SDK1: variants seen among roughly 807,000 people sequenced by gnomAD.
SDK1 encodes the protein sidekick cell adhesion molecule 1.
Under a neutral mutation model 245.5 loss-of-function variants are expected in SDK1, and 157 were observed. The ratio of observed to expected loss-of-function variants is 0.64; its 90% CI spans 0.56 to 0.73. The LOEUF is 0.73. Ranked by LOEUF, SDK1 falls within the 30% of genes least tolerant of loss-of-function variation. SDK1 has a pLI of 0.00. For missense variants in SDK1, 3,583 were observed against 3,002.3 expected (o/e 1.19, Z -4.52); for synonymous variants, 1,647 against 1,278.5 (o/e 1.29, Z -6.15).
chr7:3,377,532 G>A (rs756269680), intron 1 of SDK1, among the ~76,000 whole-genome samples: 10 of 152,086 alleles, frequency 6.6e-5, no homozygotes, highest in Non-Finnish European at 1.5e-4. Context: ...AGGAGGTGCA[G>A]CAGTGTACCC....
chr7:3,735,150 T>TAA (rs376972840), intron 4 of SDK1, among the ~76,000 whole-genome samples: 8 of 148,742 alleles, frequency 5.4e-5, no homozygotes, highest in African/African-American at 2.0e-4. Flanking sequence ...CTTCTCAACT[T>TAA]AAAAAAAAAA....
At chr7:4,104,011 G>A (rs573715194) in intron 22 of SDK1, among the ~76,000 whole-genome samples, 1 of 152,380 alleles carries the variant, frequency 6.6e-6, no homozygotes, top group East Asian at 1.9e-4. Context: ...AACAGGAAGT[G>A]GGCCAGATTC....
chr7:3,749,980 C>G (rs910149985), intron 4 of SDK1, among the ~76,000 whole-genome samples: 1 of 152,174 alleles, frequency 6.6e-6, no homozygotes, highest in African/African-American at 2.4e-5. Context: ...GTTTTTCACA[C>G]TTTGTAATAC....
In SDK1 at chr7:4,110,807, A is replaced by G. The variant is rs150447078; in HGVS notation, c.3434+35A>G. ...GCAGTGATAAGCTGTTACAGGAGGA[A>G]ACACTGGCAGCCCAGGCAGGTGCCT... On this transcript the variant is annotated intron_variant, in intron 23 of 44. Coordinates refer to ENST00000404826, the MANE Select transcript of SDK1 (RefSeq NM_152744.4). The G allele has an allele frequency of 3.9e-3, 5,731 of 1,467,800 alleles. 19 individuals carry two copies. The highest frequency in any genetic ancestry group is 9.8e-3 in the Middle Eastern group (57 of 5,794). The allele number at this position is 1,467,800 out of a possible 1,614,324, so 90.9% of individuals were successfully genotyped here.
At chr7:3,486,834 T>A (rs1056629340) in intron 1 of SDK1, among the ~76,000 whole-genome samples, 1 of 152,208 alleles carries the variant, frequency 6.6e-6, no homozygotes. Context: ...TTTGTGAACA[T>A]TCCACATGTT....
intron 4 of SDK1, among the ~76,000 whole-genome samples, chr7:3,810,235 G>C (rs182535757): frequency 1.1e-4 from 16 of 152,014 alleles, no homozygotes; most frequent in African/African-American, 3.6e-4. Flanking sequence ...CACTTTTCAT[G>C]GTTTCCAATT....
chr7:3,982,259 A>G (rs559283299), intron 13 of SDK1, among the ~76,000 whole-genome samples: 1 of 152,372 alleles, frequency 6.6e-6, no homozygotes, highest in African/African-American at 2.4e-5. Flanking sequence ...CCTGCAGCTC[A>G]GAAAAGAAAA....
intron 1 of SDK1, among the ~76,000 whole-genome samples, chr7:3,358,479 G>C (rs1780868066): frequency 6.8e-6 from 1 of 147,956 alleles, no homozygotes; most frequent in Non-Finnish European, 1.5e-5. Flanking sequence ...TTTTCCCCCA[G>C]CTACTGCTCC....
chr7:3,628,529 A>G (rs1173524107), intron 2 of SDK1, among the ~76,000 whole-genome samples: 2 of 152,106 alleles, frequency 1.3e-5, no homozygotes, highest in Non-Finnish European at 2.9e-5. Flanking sequence ...TGGGGCTACT[A>G]GAGACTCCCC....
intron 5 of SDK1, among the ~76,000 whole-genome samples, chr7:3,841,148 T>C (rs1387163611): frequency 6.6e-6 from 1 of 152,198 alleles, no homozygotes; most frequent in African/African-American, 2.4e-5. Flanking sequence ...GTGCCTTGCC[T>C]CTTTCCTCGT....
At chr7:3,593,716 T>A (rs1780963012) in intron 1 of SDK1, among the ~76,000 whole-genome samples, 1 of 152,122 alleles carries the variant, frequency 6.6e-6, no homozygotes, top group Non-Finnish European at 1.5e-5. Flanking sequence ...CACTGGCCAC[T>A]GGCGACACCC....
chr7:3,591,989 T>G (rs1195375638), intron 1 of SDK1, among the ~76,000 whole-genome samples: 2 of 152,204 alleles, frequency 1.3e-5, no homozygotes, highest in African/African-American at 4.8e-5. Flanking sequence ...AGGCTACAGA[T>G]AGTTCTATAC....
chr7:4,090,952 A>AT (rs977443346), intron 22 of SDK1, among the ~76,000 whole-genome samples: 3 of 151,990 alleles, frequency 2.0e-5, no homozygotes, highest in South Asian at 2.1e-4. Context: ...CAGTATATTT[A>AT]TTTTTTTGCT....
At chr7:3,649,906 G>C (rs1782957210) in intron 4 of SDK1, among the ~76,000 whole-genome samples, 1 of 151,940 alleles carries the variant, frequency 6.6e-6, no homozygotes, top group Admixed American at 6.6e-5. Flanking sequence ...TGATGTATTT[G>C]CTAAACTGAA....
intron 1 of SDK1, among the ~76,000 whole-genome samples, chr7:3,458,686 C>G (rs1408856187): frequency 6.6e-6 from 1 of 152,024 alleles, no homozygotes; most frequent in Admixed American, 6.5e-5. Flanking sequence ...ATATAAATGT[C>G]TGTTTGATGC....
intron 1 of SDK1, among the ~76,000 whole-genome samples, chr7:3,411,710 C>CT (rs1562471037): frequency 6.6e-6 from 1 of 151,868 alleles, no homozygotes; most frequent in African/African-American, 2.4e-5. Context: ...TACTAATTCT[C>CT]ATTTTTTTTT....
chr7:3,344,491 C>G (rs918928186), intron 1 of SDK1, among the ~76,000 whole-genome samples: 1 of 152,112 alleles, frequency 6.6e-6, no homozygotes, highest in Non-Finnish European at 1.5e-5. Flanking sequence ...TCAAGATGTG[C>G]TTTGCTTATG....
rs147095514 is a variant in SDK1 at position 4,192,748 on chromosome 7, C to A, written c.5099-13131C>A. Among the ~76,000 whole-genome samples the A allele has an allele frequency of 2.0e-3, 299 of 152,076 alleles. 4 individuals carry two copies. In the South Asian group the frequency reaches 0.051, roughly 26 times the overall value. The stretch of plus-strand genomic sequence containing the variant: ...ACCAAACCCACAATATCTCCAAGAC[C>A]CGCCCGTGTCGAGAACACTCCTGCA... On this transcript the variant is annotated intron_variant, in intron 35 of 44. Transcript: ENST00000404826.
At chr7:4,084,704 ATGTTATGTTATGTTATGTTATGTTATGT>A (rs1336755911) in intron 22 of SDK1, among the ~76,000 whole-genome samples, 3 of 136,568 alleles carry the variant, frequency 2.2e-5, no homozygotes, top group African/African-American at 9.2e-5. Flanking sequence ...ATGTTATGTT[ATGTTATGTTATGTTATGTTATGTTATGT>A]TGTTACTTAA....
Sources: gnomAD v4.1 joint callset for allele counts (sites outside exome capture counted in the v4.1 genomes callset) on GRCh38, gnomAD v4.1.1 for gene constraint, MANE v1.5 for transcripts, NCBI Gene and HGNC (gene_info 2026-07-23, HGNC 2026-07-21) for gene names.